Variants in BBOX1 observed in about 807,000 individuals in gnomAD.
BBOX1 encodes gamma-butyrobetaine hydroxylase 1, also known as gamma-butyrobetaine dioxygenase.
Under a neutral mutation model 41.6 loss-of-function variants are expected in BBOX1, and 35 were observed. That is an observed-to-expected ratio of 0.84 (90% confidence interval 0.64 to 1.11). BBOX1 has a LOEUF of 1.11. BBOX1 is among the 50% of genes most tolerant of loss of function. BBOX1 has a pLI of 0.00. For synonymous variants in BBOX1, 163 were observed against 154.7 expected (o/e 1.05, Z -0.40); for missense variants, 458 against 460.6 (o/e 0.99, Z 0.05).
intron 2 of BBOX1, among the ~76,000 whole-genome samples, chr11:27,050,456 C>T (rs1022154230): frequency 1.3e-5 from 2 of 152,010 alleles, no homozygotes; most frequent in African/African-American, 2.4e-5. Flanking sequence ...GGATATTTTA[C>T]CAATATTAAT....
chr11:27,113,747 C>A (rs1423625202), intron 5 of BBOX1, among the ~76,000 whole-genome samples: 1 of 151,506 alleles, frequency 6.6e-6, no homozygotes, highest in South Asian at 2.1e-4. Context: ...TGTACATAAA[C>A]CCCTGTGACA....
intron 5 of BBOX1, among the ~76,000 whole-genome samples, chr11:27,103,843 C>T (rs1437314720): frequency 6.6e-6 from 1 of 151,998 alleles, no homozygotes; most frequent in South Asian, 2.1e-4. Context: ...TGAGTTTAAA[C>T]CTTGATTTTG....
intron 4 of BBOX1, among the ~76,000 whole-genome samples, chr11:27,062,169 A>G (rs1857148907): frequency 6.6e-6 from 1 of 152,232 alleles, no homozygotes; most frequent in Non-Finnish European, 1.5e-5. Flanking sequence ...AGAAAAAGGC[A>G]GGCAGAAAAT....
intron 5 of BBOX1, among the ~76,000 whole-genome samples, chr11:27,105,259 G>A (rs1244287445): frequency 2.0e-5 from 3 of 152,156 alleles, no homozygotes; most frequent in Non-Finnish European, 2.9e-5. Context: ...GATGAATTGA[G>A]AGAAGATGGC....
chr11:27,075,514 G>T (rs557776523), intron 4 of BBOX1, among the ~76,000 whole-genome samples: 1 of 152,066 alleles, frequency 6.6e-6, no homozygotes, highest in East Asian at 1.9e-4. Flanking sequence ...GGCTGGGGGA[G>T]CTCTCAGTGA....
At chr11:27,112,400 A>G in intron 5 of BBOX1, among the ~76,000 whole-genome samples, 1 of 151,956 alleles carries the variant, frequency 6.6e-6, no homozygotes, top group East Asian at 1.9e-4. Context: ...CTAAAGTTTT[A>G]TTTATTGACC....
intron 4 of BBOX1, among the ~76,000 whole-genome samples, chr11:27,060,907 G>T (rs1461561944): frequency 6.6e-6 from 1 of 152,062 alleles, no homozygotes; most frequent in Non-Finnish European, 1.5e-5. Context: ...TGTTTTTATT[G>T]CCTTCCTCCA....
In BBOX1 at chr11:27,125,700, A is replaced by G; in HGVS notation, c.883A>G (p.Thr295Ala). 1 of 1,607,790 alleles carries G rather than the reference A, an allele frequency of 6.2e-7. No homozygotes were observed. The highest frequency in any genetic ancestry group is 2.2e-5 in the East Asian group (1 of 44,552). Residue 295 changes from threonine (T) to alanine (A), a missense_variant, in exon 8 of 9, where the codon ACT becomes GCT. Physicochemically the swap from Thr to Ala is moderately conservative, Grantham distance 58. Coordinates refer to ENST00000263182, the MANE Select transcript of BBOX1 (RefSeq NM_003986.3). ...GGTTCGCATCAACTTCAATAACGCA[A>G]CTAGGGACACAATATTTGATGTGCC... ...QVVRINFNNATRDTIFDVPVE... is the reference protein window; with the variant it reads ...QVVRINFNNAARDTIFDVPVE...
At chr11:27,117,855 A>G (rs536620987) in intron 6 of BBOX1, among the ~76,000 whole-genome samples, 1 of 152,020 alleles carries the variant, frequency 6.6e-6, no homozygotes, top group South Asian at 2.1e-4. Flanking sequence ...AAGATTGATC[A>G]TGTCTTTTTA....
chr11:27,111,141 A>C (rs750340108), intron 5 of BBOX1, among the ~76,000 whole-genome samples: 5 of 151,716 alleles, frequency 3.3e-5, no homozygotes, highest in Non-Finnish European at 7.4e-5. Flanking sequence ...TTTGTGGTAC[A>C]TAGACACCAT....
chr11:27,044,134 T>C (rs1175691463), intron 2 of BBOX1, among the ~76,000 whole-genome samples: 1 of 152,228 alleles, frequency 6.6e-6, no homozygotes, highest in Admixed American at 6.5e-5. Context: ...ATGATCACCA[T>C]TCTAACTGAC....
chr11:27,118,497 G>C (rs1469345575), intron 6 of BBOX1, among the ~76,000 whole-genome samples: 1 of 151,992 alleles, frequency 6.6e-6, no homozygotes, highest in Non-Finnish European at 1.5e-5. Flanking sequence ...GTGGGGCAGA[G>C]ATAAGGCACC....
At chr11:27,111,828 G>C (rs990013179) in intron 5 of BBOX1, among the ~76,000 whole-genome samples, 2 of 151,960 alleles carry the variant, frequency 1.3e-5, no homozygotes, top group Non-Finnish European at 2.9e-5. Context: ...AATAGTGGAT[G>C]AGGGGAAGTG....
chr11:27,125,820 G>C lies in BBOX1; in HGVS notation c.1003G>C (p.Gly335Arg). The C allele has an allele frequency of 6.2e-7, 1 of 1,604,326 alleles. No homozygotes were observed. Among genetic ancestry groups the C allele is most frequent in the South Asian group, 1.1e-5 (1 of 88,848 alleles). The change falls in exon 8 of 9, where the codon GGT becomes CGT. Residue 335 changes from glycine to arginine, a missense_variant and splice_region_variant. Physicochemically the swap from Gly to Arg is moderately radical, Grantham distance 125. Transcript: ENST00000263182. ...CAAGTTTACCTTCAAGATGAATCCA[G>C]GTCAGTGAATACATTTTCTCAAATA... ...ESKFTFKMNPGDVITFDNWRL... is the reference protein window; with the variant it reads ...ESKFTFKMNPRDVITFDNWRL...
chr11:27,070,138 T>A (rs1857399487), intron 4 of BBOX1, among the ~76,000 whole-genome samples: 1 of 152,184 alleles, frequency 6.6e-6, no homozygotes, highest in Non-Finnish European at 1.5e-5. Context: ...GTACTTGATA[T>A]AATTTTGATT....
At chr11:27,097,920 C>T (rs1384672933) in intron 5 of BBOX1, among the ~76,000 whole-genome samples, 3 of 151,986 alleles carry the variant, frequency 2.0e-5, no homozygotes, top group Non-Finnish European at 4.4e-5. Context: ...CCCTTCCTCC[C>T]CATCCTCAAG....
At chr11:27,107,131 A>C (rs1276900468) in intron 5 of BBOX1, among the ~76,000 whole-genome samples, 2 of 152,196 alleles carry the variant, frequency 1.3e-5, no homozygotes, top group Admixed American at 1.3e-4. Context: ...CCACAAGAGA[A>C]AGCAGGAAAG....
intron 4 of BBOX1, among the ~76,000 whole-genome samples, chr11:27,071,208 A>G (rs1857435943): frequency 6.6e-6 from 1 of 151,854 alleles, no homozygotes; most frequent in African/African-American, 2.4e-5. Context: ...CCCCATCTCT[A>G]CTAAAACAAA....
At chr11:27,062,221 A>G (rs1234893007) in intron 4 of BBOX1, among the ~76,000 whole-genome samples, 1 of 152,206 alleles carries the variant, frequency 6.6e-6, no homozygotes, top group African/African-American at 2.4e-5. Flanking sequence ...GAAAACTGCA[A>G]TTAGTTTAAT....
Sources: allele counts gnomAD v4.1 joint callset (sites outside exome capture counted in the v4.1 genomes callset), GRCh38; gene constraint gnomAD v4.1.1; transcripts MANE v1.5; gene names NCBI Gene and HGNC (gene_info 2026-07-23, HGNC 2026-07-21).